Variants in DHX8 observed in about 807,000 individuals in gnomAD.
DHX8 encodes the protein DEAH-box helicase 8, also known as ATP-dependent RNA helicase DHX8.
Under a neutral mutation model 140.7 loss-of-function variants are expected in DHX8, and 67 were observed. The ratio of observed to expected loss-of-function variants is 0.48; its 90% CI spans 0.39 to 0.58. DHX8 has a LOEUF of 0.58. Among genes scored for constraint, DHX8 ranks in the 20% least tolerant of loss-of-function variants. The probability of loss-of-function intolerance (pLI) is 0.00; values close to 1 mark genes in which losing one functional copy is unlikely to be tolerated. For missense variants in DHX8, 887 were observed against 1,550.7 expected (o/e 0.57, Z 7.19); for synonymous variants, 533 against 553.2 (o/e 0.96, Z 0.51).
chr17:43,521,168 G>T (rs1329738675), intron 20 of DHX8, among the ~76,000 whole-genome samples: 4 of 151,860 alleles, frequency 2.6e-5, no homozygotes, highest in Admixed American at 1.3e-4. Flanking sequence ...GCACCATGTT[G>T]GCCAGGCTGG....
intron 3 of DHX8, among the ~76,000 whole-genome samples, chr17:43,539,698 TCC>T: frequency 6.6e-6 from 1 of 152,140 alleles, no homozygotes; most frequent in Non-Finnish European, 1.5e-5. Flanking sequence ...ACTGAAGAGA[TCC>T]TGACCATCCT....
chr17:43,542,579 G>T (rs1382866741), intron 3 of DHX8, among the ~76,000 whole-genome samples: 2 of 152,016 alleles, frequency 1.3e-5, no homozygotes, highest in African/African-American at 4.8e-5. Context: ...CCCCAAATCA[G>T]ACACGCCCTC....
intron 3 of DHX8, among the ~76,000 whole-genome samples, chr17:43,543,595 C>T (rs1243117974): frequency 1.3e-5 from 2 of 152,124 alleles, no homozygotes; most frequent in Non-Finnish European, 2.9e-5. Context: ...TGAGAGCCCA[C>T]GGAAACTGAC....
intron 17 of DHX8, among the ~76,000 whole-genome samples, chr17:43,516,799 C>T (rs935881218): frequency 1.3e-5 from 2 of 152,134 alleles, no homozygotes; most frequent in African/African-American, 2.4e-5. Context: ...GGATGATTGA[C>T]GTAATATGTT....
At chr17:43,526,506 TTCC>T (rs752030456), downstream of DHX8, 73 of 1,535,564 alleles carry the variant, frequency 4.8e-5, 1 homozygote, top group South Asian at 8.4e-4. Context: ...CCCAAAGCAC[TTCC>T]TCCCTGTGGT....
chr17:43,529,745 C>G, downstream of DHX8: 1 of 1,590,164 alleles, frequency 6.3e-7, no homozygotes, highest in Non-Finnish European at 8.6e-7. Flanking sequence ...GCCTCCCACC[C>G]GAGGGATTTC....
chr17:43,514,929 C>T (rs969925960), intron 17 of DHX8, among the ~76,000 whole-genome samples: 3 of 152,046 alleles, frequency 2.0e-5, no homozygotes, highest in Non-Finnish European at 2.9e-5. Flanking sequence ...ATGGTATAAT[C>T]CAATTTTTGT....
In DHX8 at chr17:43,524,142, A is replaced by G. The variant is rs1338230548; in HGVS notation, c.*295A>G. 1.3e-5 allele frequency: 16 copies of G among 1,243,364 alleles called. No homozygotes were observed. In the African/African-American group the frequency reaches 1.7e-4, roughly 13 times the overall value. The allele number at this position is 1,243,364 out of a possible 1,614,324, so 77.0% of individuals were successfully genotyped here. On this transcript the variant is annotated 3_prime_UTR_variant, in exon 23 of 23. Coordinates refer to ENST00000262415, the MANE Select transcript of DHX8 (RefSeq NM_004941.3). The stretch of plus-strand genomic sequence containing the variant: ...AGAAAGGGACAATTTGTGCAGCTCC[A>G]GGATGGGAAGGTGGAGTGGGTGAGC...
chr17:43,530,198 G>A (rs1346691663), downstream of DHX8: 13 of 1,553,024 alleles, frequency 8.4e-6, no homozygotes, highest in Middle Eastern at 1.7e-4. Flanking sequence ...GGGAAGAAGG[G>A]GTGATGTGAG....
intron 11 of DHX8, among the ~76,000 whole-genome samples, chr17:43,502,193 T>C (rs1969230819): frequency 6.6e-6 from 1 of 152,188 alleles, no homozygotes; most frequent in Admixed American, 6.5e-5. Context: ...AGGTCTGGGC[T>C]GGAGACAGAA....
At chr17:43,520,599 A>G (rs1970327200) in intron 19 of DHX8, 152 bp from the exon 20 acceptor site, 1 of 885,892 alleles carries the variant, frequency 1.1e-6, no homozygotes, top group East Asian at 2.6e-5. Context: ...AGAATAAACA[A>G]CAGCATTCTT....
chr17:43,498,143 T>TG (rs1968971717), intron 9 of DHX8, among the ~76,000 whole-genome samples: 2 of 151,354 alleles, frequency 1.3e-5, no homozygotes, highest in African/African-American at 4.8e-5. Context: ...GGAAGGTGTT[T>TG]TTTTTTTTTT....
chr17:43,527,960 G>T (rs1030785665), downstream of DHX8: 1 of 233,552 alleles, frequency 4.3e-6, no homozygotes, highest in Admixed American at 5.6e-5. Flanking sequence ...CTTGGAGCAG[G>T]AACCCATCCC....
At chr17:43,494,495 G>A (rs1040377099) in intron 8 of DHX8, among the ~76,000 whole-genome samples, 6 of 152,000 alleles carry the variant, frequency 3.9e-5, no homozygotes, top group Admixed American at 1.3e-4. Flanking sequence ...GCTGAGGCGG[G>A]CGGGTCACGA....
chr17:43,543,401 C>A (rs1971631528), intron 3 of DHX8, among the ~76,000 whole-genome samples: 2 of 152,178 alleles, frequency 1.3e-5, no homozygotes, highest in African/African-American at 4.8e-5. Flanking sequence ...GAGATGAGAG[C>A]ATTTTCCTCC....
chr17:43,530,339 G>A (rs1158203481), downstream of DHX8: 2 of 1,478,284 alleles, frequency 1.4e-6, no homozygotes, highest in Non-Finnish European at 1.8e-6. Context: ...AAAATCCCAG[G>A]GAAAGTTCAC....
chr17:43,537,055 C>T (rs1038879384), intron 3 of DHX8, among the ~76,000 whole-genome samples: 4 of 152,228 alleles, frequency 2.6e-5, no homozygotes, highest in Non-Finnish European at 5.9e-5. Flanking sequence ...GCAGTGGGAT[C>T]CTGTGGATTT....
At chr17:43,503,796 TG>T (rs1212187856) in intron 11 of DHX8, among the ~76,000 whole-genome samples, 1 of 152,052 alleles carries the variant, frequency 6.6e-6, no homozygotes, top group Non-Finnish European at 1.5e-5. Flanking sequence ...AAGGGAGGAA[TG>T]GGGAGTAACT....
chr17:43,540,577 C>G (rs1208512819), intron 3 of DHX8, among the ~76,000 whole-genome samples: 1 of 152,190 alleles, frequency 6.6e-6, no homozygotes, highest in Non-Finnish European at 1.5e-5. Flanking sequence ...AAGGAAGTCT[C>G]CTGTGTCAGG....
Sources: gnomAD v4.1 joint callset for allele counts (sites outside exome capture counted in the v4.1 genomes callset) on GRCh38, gnomAD v4.1.1 for gene constraint, MANE v1.5 for transcripts, NCBI Gene and HGNC (gene_info 2026-07-23, HGNC 2026-07-21) for gene names.